Variants in KAZN observed in about 807,000 individuals in gnomAD.
KAZN encodes kazrin, periplakin interacting protein.
Under a neutral mutation model 87.4 loss-of-function variants are expected in KAZN, and 40 were observed. That is an observed-to-expected ratio of 0.46 (90% CI 0.36 to 0.60). The LOEUF (loss-of-function observed/expected upper bound fraction) is 0.60. Among genes scored for constraint, KAZN ranks in the 20% least tolerant of loss-of-function variants. KAZN has a pLI of 0.00. For missense variants in KAZN, 898 were observed against 1,073.9 expected (o/e 0.84, Z 2.29); for synonymous variants, 466 against 458.3 (o/e 1.02, Z -0.22).
chr1:14,172,958 C>A (rs1645987591), intron 1 of KAZN, among the ~76,000 whole-genome samples: 1 of 152,152 alleles, frequency 6.6e-6, no homozygotes, highest in African/African-American at 2.4e-5. Flanking sequence ...TCTTATATGG[C>A]AGCTTCTCCC....
chr1:14,344,967 A>G (rs1447609357), intron 2 of KAZN, among the ~76,000 whole-genome samples: 3 of 146,942 alleles, frequency 2.0e-5, no homozygotes, highest in African/African-American at 7.6e-5. Context: ...CGCCCAGGCT[A>G]GAGTGCAGTG....
chr1:14,927,060 C>T (rs1459343670), intron 1 of KAZN, among the ~76,000 whole-genome samples: 2 of 152,148 alleles, frequency 1.3e-5, no homozygotes, highest in South Asian at 2.1e-4. Context: ...GAGGTGCAGA[C>T]AGTGGATGTT....
intron 2 of KAZN, among the ~76,000 whole-genome samples, chr1:14,233,120 T>C (rs770581715): frequency 1.3e-5 from 2 of 152,056 alleles, no homozygotes; most frequent in Non-Finnish European, 2.9e-5. Flanking sequence ...TAGAGGCACT[T>C]AGTTGCTAAA....
intron 2 of KAZN, among the ~76,000 whole-genome samples, chr1:14,531,644 A>C (rs977713395): frequency 2.0e-5 from 3 of 152,074 alleles, no homozygotes; most frequent in African/African-American, 7.2e-5. Context: ...TAAATGCAAA[A>C]CCTTGGTTAA....
At chr1:15,109,691 GTA>G (rs1385220389) in intron 13 of KAZN, among the ~76,000 whole-genome samples, 1 of 151,916 alleles carries the variant, frequency 6.6e-6, no homozygotes, top group Non-Finnish European at 1.5e-5. Flanking sequence ...GGGTGTATGT[GTA>G]TGTTTGTGTA....
At chr1:14,246,741 G>A (rs957096745) in intron 2 of KAZN, among the ~76,000 whole-genome samples, 3 of 152,028 alleles carry the variant, frequency 2.0e-5, no homozygotes, top group African/African-American at 7.2e-5. Context: ...AGTTTTAGTT[G>A]TGCAATGTTT....
chr1:14,958,412 C>G (rs1663417457), intron 1 of KAZN, among the ~76,000 whole-genome samples: 1 of 152,038 alleles, frequency 6.6e-6, no homozygotes, highest in African/African-American at 2.4e-5. Context: ...GTACATGGAG[C>G]ACTTCCTATG....
intron 1 of KAZN, among the ~76,000 whole-genome samples, chr1:14,128,385 A>G (rs1018822): frequency 0.57 from 86,935 of 151,728 alleles, 26,221 homozygotes; most frequent in East Asian, 0.76. Context: ...GTGATCCTAC[A>G]GACTGGGTGG....
At position 14,987,858 on chromosome 1, in the gene KAZN, T is replaced by C. The variant is rs144019586; in HGVS notation, c.418+26983T>C. 2.0e-3 allele frequency among the ~76,000 whole-genome samples: 304 copies of C among 152,228 alleles called. 3 individuals carry two copies. The highest frequency in any genetic ancestry group is 5.9e-3 in the African/African-American group (247 of 41,524). ...GTGTAGGGATACGGGGCCCAGGCCG[T>C]TGGACTCTTCTAGCAGGACATATGA... On this transcript the variant is annotated intron_variant, in intron 2 of 14. Coordinates refer to ENST00000376030, the MANE Select transcript of KAZN (RefSeq NM_201628.3).
chr1:14,718,439 T>G (rs2100266131), intron 1 of KAZN, among the ~76,000 whole-genome samples: 1 of 152,356 alleles, frequency 6.6e-6, no homozygotes, highest in Non-Finnish European at 1.5e-5. Flanking sequence ...CTTTTCCATT[T>G]TGGAGGGTTT....
chr1:14,626,536 A>T (rs1317270035), intron 1 of KAZN, among the ~76,000 whole-genome samples: 1 of 152,138 alleles, frequency 6.6e-6, no homozygotes, highest in Non-Finnish European at 1.5e-5. Flanking sequence ...GGGTCTTAGC[A>T]TCTCTCATGA....
intron 1 of KAZN, among the ~76,000 whole-genome samples, chr1:14,947,384 C>G (rs536361970): frequency 6.6e-6 from 1 of 152,172 alleles, no homozygotes; most frequent in Non-Finnish European, 1.5e-5. Flanking sequence ...CCCCTGGGTA[C>G]CTCCCTTCAG....
Position 14,207,187 on chromosome 1 carries a change from C to A in KAZN, c.249+26595C>A, listed in dbSNP as rs1394344222. ...CCATGTTGGCCAGGCTGGTCTCGAA[C>A]TCCTGACCTCAGGTGATCTGCCCAC... On this transcript the variant is annotated intron_variant, in intron 2 of 16. Transcript: ENST00000636203. 2.6e-5 allele frequency among the ~76,000 whole-genome samples: 4 copies of A among 152,132 alleles called. No homozygotes were observed. The East Asian group carries it at 7.7e-4, about 29-fold the overall frequency.
At chr1:14,850,965 A>T (rs1557553891) in intron 1 of KAZN, among the ~76,000 whole-genome samples, 1 of 152,230 alleles carries the variant, frequency 6.6e-6, no homozygotes, top group Non-Finnish European at 1.5e-5. Context: ...CCTGAGAGAC[A>T]GCACGCAGTC....
At chr1:14,838,265 A>G (rs1251750647) in intron 1 of KAZN, among the ~76,000 whole-genome samples, 8 of 152,192 alleles carry the variant, frequency 5.3e-5, no homozygotes, top group African/African-American at 1.9e-4. Flanking sequence ...TGACCTAATC[A>G]CTTCCTGAAG....
At chr1:15,031,907 CTTA>C (rs1671751235) in intron 2 of KAZN, among the ~76,000 whole-genome samples, 1 of 152,032 alleles carries the variant, frequency 6.6e-6, no homozygotes, top group Admixed American at 6.6e-5. Flanking sequence ...GGCGCCCAGC[CTTA>C]TTTTGTTTTG....
intron 1 of KAZN, among the ~76,000 whole-genome samples, chr1:13,924,846 G>T (rs1290311723): frequency 1.3e-5 from 2 of 152,184 alleles, no homozygotes; most frequent in African/African-American, 4.8e-5. Context: ...ATCCCCTGAG[G>T]CTGTGTCATG....
intron 1 of KAZN, among the ~76,000 whole-genome samples, chr1:14,147,751 G>A (rs1288506268): frequency 2.7e-5 from 4 of 150,820 alleles, no homozygotes; most frequent in Admixed American, 6.6e-5. Flanking sequence ...AGCCGAGATC[G>A]CGCCACTGCA....
chr1:14,129,290 A>G (rs1289325936), intron 1 of KAZN, among the ~76,000 whole-genome samples: 1 of 152,194 alleles, frequency 6.6e-6, no homozygotes, highest in African/African-American at 2.4e-5. Context: ...TTTGGACCCC[A>G]GCTTTGTGCT....
Sources: allele counts gnomAD v4.1 joint callset (sites outside exome capture counted in the v4.1 genomes callset), GRCh38; gene constraint gnomAD v4.1.1; transcripts MANE v1.5; gene names NCBI Gene and HGNC (gene_info 2026-07-23, HGNC 2026-07-21).